The following AADAT variants were observed in gnomAD, a reference collection of about 807,000 sequenced individuals.
AADAT encodes the protein kynurenine/alpha-aminoadipate aminotransferase, mitochondrial.
Under a neutral mutation model 56.2 loss-of-function variants are expected in AADAT, and 25 were observed. That is an observed-to-expected ratio of 0.44 (90% confidence interval 0.32 to 0.62). AADAT has a LOEUF of 0.62. Ranked by LOEUF, AADAT falls within the 20% of genes least tolerant of loss-of-function variation. The pLI, the probability that AADAT is intolerant of heterozygous loss-of-function variation, is 0.04. For synonymous variants in AADAT, 173 were observed against 164.7 expected (o/e 1.05, Z -0.39); for missense variants, 387 against 510.5 (o/e 0.76, Z 2.33).
At chr4:170,083,035 C>T (rs1008307233) in intron 3 of AADAT, among the ~76,000 whole-genome samples, 4 of 150,206 alleles carry the variant, frequency 2.7e-5, no homozygotes, top group African/African-American at 9.8e-5. Context: ...CATACTAGAT[C>T]TAATAGACCT....
chr4:170,089,724 C>T lies in AADAT; in HGVS notation c.-34G>A. The T allele has an allele frequency of 6.2e-7, 1 of 1,612,094 alleles. No homozygotes were observed. Among genetic ancestry groups the T allele is most frequent in the Non-Finnish European group, 8.5e-7 (1 of 1,178,434 alleles). On this transcript the variant is annotated 5_prime_UTR_variant, in exon 1 of 13. Coordinates refer to ENST00000337664, the MANE Select transcript of AADAT (RefSeq NM_016228.4). ...ACAGCCAAGCATCAAGCTTCTTCTT[C>T]AGTGGTTGAGGACTAGAAAAACCAA... is the stretch of plus-strand genomic sequence containing the variant.
Position 170,070,736 on chromosome 4 carries a change from A to T in AADAT, c.655-84T>A, listed in dbSNP as rs1051467300. Reference sequence around the variant, plus strand: ...TAAAATTAAATTCATTTGGAATTATAATTCTTTGTACTCATTCAAGGAACT... The same window carrying T: ...TAAAATTAAATTCATTTGGAATTATTATTCTTTGTACTCATTCAAGGAACT... On this transcript the variant is annotated intron_variant, in intron 5 of 12. Transcript: ENST00000337664. 39 of 1,003,164 alleles carry T rather than the reference A, an allele frequency of 3.9e-5. 3 individuals are homozygous for T. In the Middle Eastern group the frequency reaches 9.2e-3, roughly 237 times the overall value. The allele number at this position is 1,003,164 out of a possible 1,614,324, so 62.1% of individuals were successfully genotyped here.
intron 5 of AADAT, among the ~76,000 whole-genome samples, chr4:170,072,028 T>C (rs1463232542): frequency 6.6e-6 from 1 of 152,060 alleles, no homozygotes; most frequent in Admixed American, 6.6e-5. Flanking sequence ...TGTGGAGGTA[T>C]CAGCAGAAAG....
chr4:170,083,898 C>G (rs950613811), intron 3 of AADAT, among the ~76,000 whole-genome samples: 1 of 152,030 alleles, frequency 6.6e-6, no homozygotes, highest in Non-Finnish European at 1.5e-5. Context: ...ATATCCAAAA[C>G]AAAAACATCA....
intron 12 of AADAT, 55 bp from the exon 13 acceptor site, chr4:170,061,024 ACT>A: frequency 8.0e-7 from 1 of 1,245,944 alleles, no homozygotes; most frequent in Non-Finnish European, 1.1e-6. Context: ...ATATTGGAAA[ACT>A]CTGTAATAAC....
At chr4:170,071,192 C>T (rs373110574) in intron 5 of AADAT, among the ~76,000 whole-genome samples, 1 of 152,192 alleles carries the variant, frequency 6.6e-6, no homozygotes, top group Non-Finnish European at 1.5e-5. Flanking sequence ...GGATTACAGG[C>T]GTGAGCCACT....
At chr4:170,068,064 G>A (rs149568045) in intron 8 of AADAT, among the ~76,000 whole-genome samples, 12 of 151,294 alleles carry the variant, frequency 7.9e-5, no homozygotes, top group East Asian at 5.8e-4. Context: ...GCTTGAACCC[G>A]GGATGCAGAG....
chr4:170,064,562 A>T (rs1317012514), intron 11 of AADAT, among the ~76,000 whole-genome samples, 157 bp downstream of exon 11: 1 of 152,204 alleles, frequency 6.6e-6, no homozygotes, highest in Non-Finnish European at 1.5e-5. Flanking sequence ...AAAACCTCTT[A>T]CGATTTTGAT....
chr4:170,077,128 T>TG (rs1240340111), intron 4 of AADAT, among the ~76,000 whole-genome samples: 3 of 152,186 alleles, frequency 2.0e-5, no homozygotes, highest in Admixed American at 6.5e-5. Flanking sequence ...AATTGGGAAG[T>TG]GGGGGTCTTC....
rs188419555 is a variant in AADAT at position 170,069,296 on chromosome 4, G to T, written c.721-66C>A. The T allele has an allele frequency of 1.2e-3, 1,529 of 1,284,626 alleles. 11 individuals carry two copies. The African/African-American group carries it at 0.02, about 17-fold the overall frequency. The allele number at this position is 1,284,626 out of a possible 1,614,324, so 79.6% of individuals were successfully genotyped here. A position where few individuals can be genotyped will look rare whatever the true frequency, so the allele number is the denominator to read the frequency against. On this transcript the variant is annotated intron_variant, in intron 6 of 12. Transcript: ENST00000337664. ...CTGTTAGTCACTGTACGATTATTTT[G>T]AATAGAGAGTAGAACAGGAGATGGA...
intron 2 of AADAT, among the ~76,000 whole-genome samples, chr4:170,087,546 T>A (rs543332253): frequency 6.6e-6 from 1 of 152,200 alleles, no homozygotes; most frequent in African/African-American, 2.4e-5. Context: ...AGCGCATGCG[T>A]TGCATAATCG....
chr4:170,065,456 T>C (rs992677608), intron 10 of AADAT, among the ~76,000 whole-genome samples: 1 of 151,954 alleles, frequency 6.6e-6, no homozygotes, highest in Non-Finnish European at 1.5e-5. Flanking sequence ...TTTTCTTCAG[T>C]ACTATTATGC....
intron 4 of AADAT, among the ~76,000 whole-genome samples, chr4:170,076,245 A>G (rs1353272170): frequency 1.3e-5 from 2 of 151,438 alleles, no homozygotes; most frequent in Non-Finnish European, 2.9e-5. Flanking sequence ...CATATTCACT[A>G]TTTTTTTTTA....
upstream of AADAT, among the ~76,000 whole-genome samples, chr4:170,091,339 G>A (rs1308681050): frequency 6.6e-6 from 1 of 152,132 alleles, no homozygotes. Context: ...GGCCGGCTCC[G>A]CCAGACCCGG....
At chr4:170,068,159 A>G (rs1323592137) in intron 8 of AADAT, among the ~76,000 whole-genome samples, 1 of 150,288 alleles carries the variant, frequency 6.7e-6, no homozygotes, top group Non-Finnish European at 1.5e-5. Context: ...AAAAAAAAAA[A>G]TTAAAATGTT....
chr4:170,068,308 C>T (rs1731580963), intron 8 of AADAT, among the ~76,000 whole-genome samples: 1 of 152,072 alleles, frequency 6.6e-6, no homozygotes, highest in Non-Finnish European at 1.5e-5. Flanking sequence ...ACAAACTTTT[C>T]TATTCTATTC....
At position 170,088,385 on chromosome 4, in the gene AADAT, T is replaced by G. The variant is rs761298797; in HGVS notation, c.236+11A>C. On this transcript the variant is annotated intron_variant, in intron 2 of 12. Coordinates refer to ENST00000337664, the MANE Select transcript of AADAT (RefSeq NM_016228.4). ...TAAGCCAATAAAATTATGTTAAGTATTGATACTTACCCAGCACTCGGAGAA... is the reference window on the plus strand; with the variant it reads ...TAAGCCAATAAAATTATGTTAAGTAGTGATACTTACCCAGCACTCGGAGAA... The G allele has an allele frequency of 6.3e-7, 1 of 1,582,248 alleles. No homozygotes were observed. Among genetic ancestry groups the G allele is most frequent in the Non-Finnish European group, 8.6e-7 (1 of 1,156,128 alleles).
upstream of AADAT, chr4:170,091,454 G>C (rs1732828453): frequency 6.5e-6 from 1 of 153,862 alleles, no homozygotes; most frequent in African/African-American, 2.4e-5. Context: ...CCAGGCCTCA[G>C]CTGCCTCCCA....
At chr4:170,072,269 A>G (rs775925536) in intron 5 of AADAT, among the ~76,000 whole-genome samples, 4 of 144,428 alleles carry the variant, frequency 2.8e-5, no homozygotes, top group East Asian at 2.0e-4. Context: ...ATGTATATAT[A>G]TGTGTGTGTG....
Sources: allele counts gnomAD v4.1 joint callset (sites outside exome capture counted in the v4.1 genomes callset), GRCh38; gene constraint gnomAD v4.1.1; transcripts MANE v1.5; gene names NCBI Gene and HGNC (gene_info 2026-07-23, HGNC 2026-07-21).